Variants in PYGB observed in about 807,000 individuals in gnomAD.
PYGB encodes the protein glycogen phosphorylase B.
Under a neutral mutation model 94.3 loss-of-function variants are expected in PYGB, and 82 were observed. The ratio of observed to expected loss-of-function variants is 0.87; its 90% CI spans 0.73 to 1.04. The LOEUF is 1.04. PYGB is among the 50% of genes least tolerant of loss of function. PYGB has a pLI of 0.00. For synonymous variants in PYGB, 488 were observed against 479.1 expected (o/e 1.02, Z -0.24); for missense variants, 1,132 against 1,158.2 (o/e 0.98, Z 0.33).
intron 14 of PYGB, chr20:25,285,617 G>C (rs1416859345): frequency 6.6e-6 from 1 of 152,056 alleles, no homozygotes; most frequent in East Asian, 1.9e-4. Flanking sequence ...GCTGGTGCTC[G>C]CTCCCACTGG....
At chr20:25,290,736 C>A in intron 16 of PYGB, 114 bp downstream of exon 16, 1 of 1,430,938 alleles carries the variant, frequency 7.0e-7, no homozygotes, top group Non-Finnish European at 9.6e-7. Flanking sequence ...GACACCCAGA[C>A]CTAGCCAGCC....
intron 2 of PYGB, among the ~76,000 whole-genome samples, chr20:25,268,064 A>G (rs972415685): frequency 1.3e-5 from 2 of 151,832 alleles, no homozygotes; most frequent in African/African-American, 2.4e-5. Flanking sequence ...TTAAGTTTAG[A>G]CCATAAACTT....
intron 16 of PYGB, among the ~76,000 whole-genome samples, chr20:25,291,689 A>G (rs981458977): frequency 4.0e-5 from 6 of 150,002 alleles, no homozygotes; most frequent in Non-Finnish European, 8.9e-5. Context: ...CCCTCCTCCT[A>G]TGTGTTTTGG....
intron 18 of PYGB, 138 bp downstream of exon 18, chr20:25,294,430 C>T (rs771485393): frequency 3.5e-4 from 398 of 1,129,452 alleles, no homozygotes; most frequent in Non-Finnish European, 4.5e-4. Flanking sequence ...GCCCATGAGA[C>T]CTTACTGGGC....
At position 25,297,332 on chromosome 20, in the gene PYGB, T is replaced by C. The variant is rs2145908358; in HGVS notation, c.*810T>C. The C allele has an allele frequency of 6.6e-6, 1 of 152,448 alleles. No homozygotes were observed. The highest frequency in any genetic ancestry group is 2.1e-4 in the South Asian group (1 of 4,830). 9.4% of individuals were successfully genotyped at this position (152,448 alleles called of 1,614,324 possible). The stretch of plus-strand genomic sequence containing the variant: ...AAATGAAACTAGCTGAAGCCTTTTC[T>C]TGTTTTAGCAACTGAAAATTGTACT... On this transcript the variant is annotated 3_prime_UTR_variant, in exon 20 of 20. Transcript: ENST00000216962.
At position 25,269,224 on chromosome 20, in the gene PYGB, A is replaced by G. The variant is rs1222668972; in HGVS notation, c.424+17A>G. ...GGCTGGCAGGTAAGTTGCCCCATCC[A>G]GGAGGAGCTCTCTCGGACCCGTTGG... On this transcript the variant is annotated intron_variant, in intron 3 of 19. Coordinates refer to ENST00000216962, the MANE Select transcript of PYGB (RefSeq NM_002862.4). The G allele has an allele frequency of 2.6e-6, 4 of 1,545,430 alleles. No individual in the cohort carries two copies. Among genetic ancestry groups the G allele is most frequent in the Non-Finnish European group, 3.6e-6 (4 of 1,120,016 alleles).
At chr20:25,279,230 G>A in intron 9 of PYGB, 81 bp downstream of exon 9, 3 of 1,431,020 alleles carry the variant, frequency 2.1e-6, no homozygotes, top group Non-Finnish European at 2.9e-6. Flanking sequence ...TGAGCTGGGG[G>A]GCCTCTTCCC....
Position 25,282,152 on chromosome 20 carries a change from G to C in PYGB, c.1518+5G>C, listed in dbSNP as rs1265480617. The C allele has an allele frequency of 1.2e-6, 2 of 1,606,160 alleles. No homozygotes were observed. Among genetic ancestry groups the C allele is most frequent in the Non-Finnish European group, 1.7e-6 (2 of 1,175,090 alleles). On this transcript the variant is annotated splice_donor_5th_base_variant and intron_variant, in intron 12 of 19. Coordinates refer to ENST00000216962, the MANE Select transcript of PYGB (RefSeq NM_002862.4). ...CTGGCCGATACCATCGTGGAGGTGA[G>C]TCCCGGGCCCCACCCGTGCCTGTGG...
At chr20:25,266,760 C>G (rs1039492305) in intron 2 of PYGB, among the ~76,000 whole-genome samples, 2 of 152,102 alleles carry the variant, frequency 1.3e-5, no homozygotes, top group African/African-American at 4.8e-5. Flanking sequence ...CAAAAAGATG[C>G]TAAATGTGAT....
At chr20:25,294,115 A>C in intron 17 of PYGB, 43 bp from the exon 18 acceptor site, 6 of 1,604,662 alleles carry the variant, frequency 3.7e-6, no homozygotes, top group Non-Finnish European at 5.1e-6. Context: ...AAGGTGGCCC[A>C]CCTGGGGCGC....
chr20:25,279,147 A>G lies in PYGB; in HGVS notation c.1090A>G (p.Lys364Glu), dbSNP rs202242753. Residue 364 changes from lysine (K) to glutamate (E), a missense_variant and splice_region_variant, in exon 9 of 20, where the codon AAG becomes GAG. Transcript: ENST00000216962. ...GGACGTGGAGAAGGTGGACTGGGAC[A>G]AGGTGAGCATGGAGGAAAAGGGCGG... ...LVDVEKVDWDKAWEITKKTCA... is the reference protein window; with the variant it reads ...LVDVEKVDWDEAWEITKKTCA... 21 of 1,613,568 alleles carry G rather than the reference A, an allele frequency of 1.3e-5. No homozygotes were observed. The highest frequency in any genetic ancestry group is 1.8e-5 in the Non-Finnish European group (21 of 1,179,780).
intron 3 of PYGB, among the ~76,000 whole-genome samples, chr20:25,270,334 C>T (rs558860188): frequency 6.6e-6 from 1 of 151,840 alleles, no homozygotes; most frequent in Non-Finnish European, 1.5e-5. Context: ...CCCCAAGTAG[C>T]TGGGACTACA....
chr20:25,261,677 TC>T (rs1380244210), intron 2 of PYGB, among the ~76,000 whole-genome samples: 1 of 152,034 alleles, frequency 6.6e-6, no homozygotes, highest in East Asian at 1.9e-4. Context: ...CGATCAAACT[TC>T]TCCGAGCTAA....
At chr20:25,278,620 T>C (rs1325218741) in intron 8 of PYGB, among the ~76,000 whole-genome samples, 158 bp downstream of exon 8, 1 of 152,128 alleles carries the variant, frequency 6.6e-6, no homozygotes, top group Non-Finnish European at 1.5e-5. Context: ...ACCTGGGCCC[T>C]CCCTTCCAGA....
In PYGB at chr20:25,259,323, T is replaced by C. The variant is rs895763050; in HGVS notation, c.330T>C (p.Asp110=). ...MVNLGLQNAC[D]EAIYQLGLDL... is the part of the protein sequence containing the mutation. Reference sequence around the variant, plus strand: ...ACCTGGGCCTTCAGAATGCCTGCGATGAAGCCATCTATCAGGTACAGAGCC... The same window carrying C: ...ACCTGGGCCTTCAGAATGCCTGCGACGAAGCCATCTATCAGGTACAGAGCC... Residue 110 remains aspartate (D), a synonymous_variant, in exon 2 of 20, where the codon GAT becomes GAC. Transcript: ENST00000216962. 1 of 1,607,988 alleles carries C rather than the reference T, an allele frequency of 6.2e-7. No homozygotes were observed. Among genetic ancestry groups the C allele is most frequent in the South Asian group, 1.1e-5 (1 of 90,952 alleles).
chr20:25,292,079 C>T (rs745860461), intron 16 of PYGB, among the ~76,000 whole-genome samples: 12 of 152,130 alleles, frequency 7.9e-5, no homozygotes, highest in African/African-American at 2.2e-4. Context: ...ACATTGTCAG[C>T]GAGCCAGGAC....
At chr20:25,273,872 AG>A (rs935325944) in intron 4 of PYGB, among the ~76,000 whole-genome samples, 1 of 152,046 alleles carries the variant, frequency 6.6e-6, no homozygotes, top group Non-Finnish European at 1.5e-5. Context: ...TTTTAGAGAT[AG>A]GTCCTGCCCT....
intron 3 of PYGB, among the ~76,000 whole-genome samples, chr20:25,270,895 G>T (rs2088260763): frequency 6.6e-6 from 1 of 152,190 alleles, no homozygotes; most frequent in South Asian, 2.1e-4. Flanking sequence ...TAGCGCCTTG[G>T]GGCCCCTGGT....
intron 11 of PYGB, 150 bp from the exon 12 acceptor site, chr20:25,281,883 T>A: frequency 1.5e-6 from 1 of 664,568 alleles, no homozygotes; most frequent in Non-Finnish European, 2.6e-6. Context: ...AGCCTGCAGC[T>A]GCCGCGGTCA....
Sources: allele counts gnomAD v4.1 joint callset (sites outside exome capture counted in the v4.1 genomes callset), GRCh38; gene constraint gnomAD v4.1.1; transcripts MANE v1.5; gene names NCBI Gene and HGNC (gene_info 2026-07-23, HGNC 2026-07-21).